The following MAGI1 variants were observed in gnomAD, a reference collection of about 807,000 sequenced individuals.
MAGI1 encodes the protein membrane-associated guanylate kinase, WW and PDZ domain-containing protein 1.
In MAGI1, 58 loss-of-function variants were observed where a neutral mutation model predicts 139.9. The observed-to-expected ratio is 0.41, with a 90% CI of 0.34 to 0.52. The LOEUF is 0.52. Ranked by LOEUF, MAGI1 falls within the 20% of genes least tolerant of loss-of-function variation. MAGI1 has a pLI of 0.12. For missense variants in MAGI1, 1,874 were observed against 1,901.6 expected, an observed-to-expected ratio of 0.99 and a Z score of 0.27; for synonymous variants, 812 against 737.9, an observed-to-expected ratio of 1.10 and a Z score of -1.63.
chr3:65,948,179 A>G (rs915863495), intron 1 of MAGI1, among the ~76,000 whole-genome samples: 1 of 151,776 alleles, frequency 6.6e-6, no homozygotes, highest in African/African-American at 2.4e-5. Flanking sequence ...CCTAACCTTA[A>G]GTGATCAGCC....
chr3:65,475,738 C>T (rs1485281067), intron 4 of MAGI1, among the ~76,000 whole-genome samples: 1 of 151,980 alleles, frequency 6.6e-6, no homozygotes, highest in African/African-American at 2.4e-5. Context: ...GGGATGACTG[C>T]TCACTGTTCA....
At chr3:65,713,925 A>G (rs6781423) in intron 1 of MAGI1, among the ~76,000 whole-genome samples, 66,017 of 152,022 alleles carry the variant, frequency 0.43, 15,077 homozygotes, top group African/African-American at 0.56. Context: ...AAAAGAGGAA[A>G]AAAAGTTAAA....
chr3:66,015,388 C>G (rs959460121), intron 1 of MAGI1, among the ~76,000 whole-genome samples: 1 of 152,042 alleles, frequency 6.6e-6, no homozygotes, highest in Non-Finnish European at 1.5e-5. Context: ...ACTGTGGACG[C>G]AGCCAACCCC....
chr3:65,997,903 AATC>A (rs1335773094), intron 1 of MAGI1, among the ~76,000 whole-genome samples: 4 of 152,068 alleles, frequency 2.6e-5, no homozygotes, highest in Non-Finnish European at 5.9e-5. Flanking sequence ...TCCTGCCTGT[AATC>A]CCAGCAGTTT....
At chr3:65,505,874 G>A (rs1468048585) in intron 2 of MAGI1, among the ~76,000 whole-genome samples, 2 of 151,938 alleles carry the variant, frequency 1.3e-5, no homozygotes, top group South Asian at 2.1e-4. Flanking sequence ...GTAAAGATGG[G>A]CAAAACATGA....
At chr3:65,545,127 C>G (rs879705278) in intron 2 of MAGI1, among the ~76,000 whole-genome samples, 1 of 152,148 alleles carries the variant, frequency 6.6e-6, no homozygotes, top group Non-Finnish European at 1.5e-5. Context: ...ACTTCAGACA[C>G]AACTCTTAAA....
At chr3:65,540,027 A>C (rs893963344) in intron 2 of MAGI1, among the ~76,000 whole-genome samples, 7 of 152,224 alleles carry the variant, frequency 4.6e-5, no homozygotes, top group Non-Finnish European at 1.0e-4. Flanking sequence ...TCCACAGCAA[A>C]GGCTTAAGAG....
intron 1 of MAGI1, among the ~76,000 whole-genome samples, chr3:65,987,743 A>AT (rs1387189180): frequency 7.1e-5 from 8 of 112,900 alleles, no homozygotes; most frequent in Non-Finnish European, 1.5e-4. Context: ...CTAATTTTGC[A>AT]TTTTTTGTAG....
intron 2 of MAGI1, among the ~76,000 whole-genome samples, chr3:65,509,492 G>A (rs1194165927): frequency 6.6e-6 from 1 of 152,206 alleles, no homozygotes; most frequent in Non-Finnish European, 1.5e-5. Context: ...GCCTCACTTG[G>A]GAAGCGCAAG....
Position 65,470,340 on chromosome 3 carries a change from G to A in MAGI1, c.902C>T (p.Pro301Leu), listed in dbSNP as rs764443081. 6.2e-7 allele frequency: 1 copy of A among 1,613,636 alleles called. No homozygotes were observed. The highest frequency in any genetic ancestry group is 8.5e-7 in the Non-Finnish European group (1 of 1,179,696). ...LPLSAEDNLG[P>L]LPENWEMAYT... ...GGCCATCTCCCAGTTTTCAGGTAGAGGACCTAAATTATCCTCTGCAGAAAG... is the reference window on the plus strand; with the variant it reads ...GGCCATCTCCCAGTTTTCAGGTAGAAGACCTAAATTATCCTCTGCAGAAAG... Residue 301 changes from proline (P) to leucine (L), a missense_variant, in exon 5 of 23, where the codon CCT becomes CTT. Physicochemically the swap from Pro to Leu is moderately conservative, Grantham distance 98. This residue lies in a region of MAGI1 where 648 missense variants were observed against 598.1 expected (regional missense o/e 1.08). Transcript: ENST00000402939.
chr3:65,887,547 T>C (rs1231424800), intron 1 of MAGI1, among the ~76,000 whole-genome samples: 1 of 152,134 alleles, frequency 6.6e-6, no homozygotes. Context: ...CCTGTATCTA[T>C]TTCTTTAACT....
At chr3:65,769,411 A>C (rs814757) in intron 1 of MAGI1, among the ~76,000 whole-genome samples, 111,543 of 152,056 alleles carry the variant, frequency 0.73, 41,822 homozygotes, top group East Asian at 0.93. Flanking sequence ...ATCATTTGAG[A>C]CCAGGAGTTT....
chr3:65,764,295 T>C (rs2037294107), intron 1 of MAGI1, among the ~76,000 whole-genome samples: 1 of 151,582 alleles, frequency 6.6e-6, no homozygotes, highest in Non-Finnish European at 1.5e-5. Flanking sequence ...CAGGTAAAAA[T>C]GTAAAGCAAG....
At chr3:65,724,813 G>GCA (rs567602626) in intron 1 of MAGI1, among the ~76,000 whole-genome samples, 49 of 152,182 alleles carry the variant, frequency 3.2e-4, no homozygotes, top group Non-Finnish European at 5.7e-4. Context: ...GAGGGGAAGA[G>GCA]CACCTCATAA....
At chr3:65,665,312 G>A (rs1047714333) in intron 1 of MAGI1, among the ~76,000 whole-genome samples, 2 of 152,288 alleles carry the variant, frequency 1.3e-5, no homozygotes, top group East Asian at 3.9e-4. Context: ...TGGCTGATCT[G>A]AGGCCAAGCC....
intron 17 of MAGI1, among the ~76,000 whole-genome samples, chr3:65,378,997 C>T (rs1942808655): frequency 6.6e-6 from 1 of 152,108 alleles, no homozygotes; most frequent in South Asian, 2.1e-4. Flanking sequence ...TCAAATTTCA[C>T]GCAAATCTGA....
At chr3:65,373,809 G>A (rs1406099731) in intron 18 of MAGI1, among the ~76,000 whole-genome samples, 2 of 152,208 alleles carry the variant, frequency 1.3e-5, no homozygotes, top group Non-Finnish European at 2.9e-5. Flanking sequence ...GCATTTGAAG[G>A]AGGGTCAAGT....
At chr3:65,364,536 G>A in intron 20 of MAGI1, 129 bp downstream of exon 20, 5 of 758,696 alleles carry the variant, frequency 6.6e-6, no homozygotes, top group Non-Finnish European at 1.1e-5. Context: ...GTATACGTTT[G>A]GTAAATCACC....
At chr3:65,724,741 C>T (rs747649822) in intron 1 of MAGI1, among the ~76,000 whole-genome samples, 5 of 151,994 alleles carry the variant, frequency 3.3e-5, no homozygotes, top group South Asian at 2.1e-4. Context: ...ACAATTATGG[C>T]GGAAGGGGAA....
Sources: gnomAD v4.1 joint callset for allele counts (sites outside exome capture counted in the v4.1 genomes callset) on GRCh38, gnomAD v4.1.1 for gene constraint, gnomAD v4.1.1 regional missense constraint, MANE v1.5 for transcripts, NCBI Gene and HGNC (gene_info 2026-07-23, HGNC 2026-07-21) for gene names.